NEGR1: variants seen among roughly 807,000 people sequenced by gnomAD.
NEGR1 encodes IgLON family member 4.
NEGR1 carries 10 observed loss-of-function variants against 40.9 expected under a neutral mutation model. The observed-to-expected ratio is 0.24, with a 90% confidence interval of 0.15 to 0.42. NEGR1 has a LOEUF of 0.42. Among genes scored for constraint, NEGR1 ranks in the 10% least tolerant of loss-of-function variants. NEGR1 has a pLI of 1.00. For synonymous variants in NEGR1, 185 were observed against 166.8 expected (o/e 1.11, Z -0.84); for missense variants, 352 against 438.9 (o/e 0.80, Z 1.77).
intron 2 of NEGR1, among the ~76,000 whole-genome samples, chr1:71,929,031 T>G (rs555999824): frequency 1.3e-5 from 2 of 152,124 alleles, no homozygotes; most frequent in African/African-American, 4.8e-5. Flanking sequence ...TCTTAAATAT[T>G]TGAGATCACT....
chr1:71,931,430 G>T (rs1259408054), intron 2 of NEGR1, among the ~76,000 whole-genome samples: 1 of 152,088 alleles, frequency 6.6e-6, no homozygotes, highest in Non-Finnish European at 1.5e-5. Flanking sequence ...CCCAGATCGG[G>T]TAATTTATAA....
chr1:71,538,037 T>C (rs1647565348), intron 6 of NEGR1, among the ~76,000 whole-genome samples: 1 of 151,740 alleles, frequency 6.6e-6, no homozygotes, highest in Non-Finnish European at 1.5e-5. Flanking sequence ...GTTTTAATTG[T>C]ACATAAAACA....
intron 6 of NEGR1, among the ~76,000 whole-genome samples, chr1:71,555,977 T>C (rs938323133): frequency 2.1e-4 from 32 of 151,418 alleles, no homozygotes; most frequent in African/African-American, 7.5e-4. Context: ...AAAATGTATT[T>C]TCTATGATGC....
chr1:72,206,259 G>T (rs528702042), intron 1 of NEGR1, among the ~76,000 whole-genome samples: 6 of 151,904 alleles, frequency 3.9e-5, no homozygotes, highest in Non-Finnish European at 8.8e-5. Context: ...ATTACCAGAT[G>T]ATTATATTTG....
At chr1:71,586,497 G>A (rs993031240) in intron 6 of NEGR1, among the ~76,000 whole-genome samples, 4 of 152,254 alleles carry the variant, frequency 2.6e-5, no homozygotes, top group Admixed American at 2.0e-4. Context: ...TGGAAGAATT[G>A]ACTATGTAAA....
At chr1:71,932,571 T>C (rs564138332) in intron 2 of NEGR1, among the ~76,000 whole-genome samples, 2 of 152,226 alleles carry the variant, frequency 1.3e-5, no homozygotes, top group South Asian at 4.2e-4. Context: ...GTTGATAATA[T>C]ATCCCCTTTT....
intron 1 of NEGR1, among the ~76,000 whole-genome samples, chr1:72,029,477 A>T (rs1199337590): frequency 6.6e-6 from 1 of 152,192 alleles, no homozygotes; most frequent in Non-Finnish European, 1.5e-5. Flanking sequence ...ATCATTAAGT[A>T]TGACACTCAT....
chr1:71,593,631 G>A (rs1007641245), intron 5 of NEGR1, among the ~76,000 whole-genome samples: 1 of 152,134 alleles, frequency 6.6e-6, no homozygotes, highest in Non-Finnish European at 1.5e-5. Flanking sequence ...ATGGGATTCA[G>A]CTATACCCAA....
intron 1 of NEGR1, among the ~76,000 whole-genome samples, chr1:72,193,298 T>G (rs1570104262): frequency 1.3e-5 from 2 of 151,798 alleles, no homozygotes; most frequent in Non-Finnish European, 2.9e-5. Context: ...TCAAGAAAGT[T>G]CTAGTCCAGA....
chr1:72,044,448 T>C (rs1031392558), intron 1 of NEGR1, among the ~76,000 whole-genome samples: 3 of 151,606 alleles, frequency 2.0e-5, no homozygotes, highest in Non-Finnish European at 4.4e-5. Flanking sequence ...TTTGAATAAA[T>C]AGAAAATTTG....
intron 6 of NEGR1, among the ~76,000 whole-genome samples, chr1:71,546,056 A>G (rs1431192559): frequency 6.6e-6 from 1 of 151,758 alleles, no homozygotes; most frequent in Non-Finnish European, 1.5e-5. Context: ...CACCAGAAGG[A>G]AAAGTAATAT....
chr1:72,231,913 T>C (rs1317369860), intron 1 of NEGR1, among the ~76,000 whole-genome samples: 3 of 152,270 alleles, frequency 2.0e-5, no homozygotes, highest in East Asian at 3.9e-4. Flanking sequence ...TTCGCCAATA[T>C]ACAGTCTTAC....
At chr1:71,859,352 T>C (rs1659875853) in intron 2 of NEGR1, among the ~76,000 whole-genome samples, 1 of 152,034 alleles carries the variant, frequency 6.6e-6, no homozygotes, top group Non-Finnish European at 1.5e-5. Context: ...CCTCTGTGCT[T>C]TACACAAAAG....
At chr1:71,923,247 C>G (rs1645737156) in intron 2 of NEGR1, among the ~76,000 whole-genome samples, 1 of 152,082 alleles carries the variant, frequency 6.6e-6, no homozygotes, top group East Asian at 1.9e-4. Flanking sequence ...ATCAGTGGTT[C>G]TCAACTAGGG....
intron 4 of NEGR1, among the ~76,000 whole-genome samples, chr1:71,657,344 A>C (rs141453588): frequency 0.013 from 2,033 of 152,298 alleles, 20 homozygotes; most frequent in Middle Eastern, 0.048. Context: ...GTGAAACATC[A>C]CTTCTTTGGG....
At chr1:72,034,651 T>C (rs1646887084) in intron 1 of NEGR1, among the ~76,000 whole-genome samples, 1 of 152,208 alleles carries the variant, frequency 6.6e-6, no homozygotes, top group Admixed American at 6.5e-5. Context: ...GGCTCATTAA[T>C]AGGTCACAAA....
At chr1:72,128,655 T>C (rs1291453204) in intron 1 of NEGR1, among the ~76,000 whole-genome samples, 3 of 152,154 alleles carry the variant, frequency 2.0e-5, no homozygotes, top group African/African-American at 7.2e-5. Flanking sequence ...TTTATTAATA[T>C]TACTCTAAAT....
intron 1 of NEGR1, among the ~76,000 whole-genome samples, chr1:72,005,614 T>C (rs114776998): frequency 0.023 from 3,469 of 152,278 alleles, 122 homozygotes; most frequent in African/African-American, 0.079. Flanking sequence ...CTTTTGCGCA[T>C]TTTAGCTGAG....
chr1:72,051,947 T>A (rs1647065802), intron 1 of NEGR1, among the ~76,000 whole-genome samples: 1 of 151,406 alleles, frequency 6.6e-6, no homozygotes, highest in Non-Finnish European at 1.5e-5. Context: ...GAGCACTAGT[T>A]CCAAAGATCT....
Sources: allele counts gnomAD v4.1 joint callset (sites outside exome capture counted in the v4.1 genomes callset), GRCh38; gene constraint gnomAD v4.1.1; transcripts MANE v1.5; gene names NCBI Gene and HGNC (gene_info 2026-07-23, HGNC 2026-07-21).